ZNF487: variants seen among roughly 807,000 people sequenced by gnomAD.
ZNF487 encodes the protein zinc finger protein 487.
Under a neutral mutation model 3.0 loss-of-function variants are expected in ZNF487, and 4 were observed. The ratio of observed to expected loss-of-function variants is 1.35; its 90% CI spans 0.66 to 3.08. The LOEUF is 3.08. ZNF487 is among the 30% of genes most tolerant of loss of function. The probability of loss-of-function intolerance (pLI) is 0.01; values close to 1 mark genes in which losing one functional copy is unlikely to be tolerated. For synonymous variants in ZNF487, 55 were observed against 34.6 expected, an observed-to-expected ratio of 1.59 and a Z score of -2.06; for missense variants, 146 against 98.7, an observed-to-expected ratio of 1.48 and a Z score of -2.03.
intron 1 of ZNF487, among the ~76,000 whole-genome samples, chr10:43,466,514 T>C (rs1386444790): frequency 1.3e-5 from 2 of 151,418 alleles, no homozygotes; most frequent in African/African-American, 4.9e-5. Flanking sequence ...TTGATTCTCC[T>C]GCCTCAGCCT....
chr10:43,461,695 G>C (rs1352504748), intron 1 of ZNF487, among the ~76,000 whole-genome samples: 1 of 152,124 alleles, frequency 6.6e-6, no homozygotes, highest in Non-Finnish European at 1.5e-5. Context: ...CTCCATGAGT[G>C]CTTGTGTAAG....
At chr10:43,518,460 C>T in the ZNF487 span, among the ~76,000 whole-genome samples, 2 of 152,102 alleles carry the variant, frequency 1.3e-5, no homozygotes, top group African/African-American at 4.8e-5. Flanking sequence ...CTTCATTGGC[C>T]ATAAAGGGGG....
chr10:43,468,045 A>C (rs748097223), intron 1 of ZNF487, among the ~76,000 whole-genome samples: 7 of 152,188 alleles, frequency 4.6e-5, no homozygotes, highest in Non-Finnish European at 1.0e-4. Flanking sequence ...GAGGGGTTCA[A>C]GTCTTCAGTG....
chr10:43,503,220 T>G, the ZNF487 span, among the ~76,000 whole-genome samples: 1 of 152,084 alleles, frequency 6.6e-6, no homozygotes, highest in Admixed American at 6.6e-5. Context: ...TGTGTAGGCC[T>G]GGGCTAATGT....
At chr10:43,502,086 A>G in the ZNF487 span, among the ~76,000 whole-genome samples, 1 of 152,238 alleles carries the variant, frequency 6.6e-6, no homozygotes, top group Non-Finnish European at 1.5e-5. Context: ...ATGCACATGT[A>G]TGTTTATTGC....
chr10:43,468,508 C>T (rs1011576658), intron 1 of ZNF487, among the ~76,000 whole-genome samples: 6 of 151,228 alleles, frequency 4.0e-5, no homozygotes, highest in Admixed American at 1.3e-4. Flanking sequence ...GGAGAAACCC[C>T]GTCTCTACTA....
At chr10:43,504,846 A>G in the ZNF487 span, among the ~76,000 whole-genome samples, 4 of 151,490 alleles carry the variant, frequency 2.6e-5, no homozygotes, top group African/African-American at 9.7e-5. Context: ...AGCTGGGACT[A>G]CAGGCACCTG....
At chr10:43,450,016 T>A (rs979159308) in intron 1 of ZNF487, among the ~76,000 whole-genome samples, 1 of 152,038 alleles carries the variant, frequency 6.6e-6, no homozygotes, top group Non-Finnish European at 1.5e-5. Context: ...AGTTTTAATT[T>A]AAATACTGAT....
the ZNF487 span, among the ~76,000 whole-genome samples, chr10:43,490,636 A>C: frequency 9.1e-5 from 13 of 142,836 alleles, no homozygotes; most frequent in African/African-American, 3.1e-4. Flanking sequence ...CAGCCTCCCA[A>C]GTAGCTGGGA....
the ZNF487 span, among the ~76,000 whole-genome samples, chr10:43,503,172 G>A: frequency 1.3e-5 from 2 of 152,168 alleles, no homozygotes; most frequent in African/African-American, 4.8e-5. Flanking sequence ...GGAACAAGAT[G>A]TGGAGGTGGA....
chr10:43,442,797 G>C (rs947931975), intron 1 of ZNF487, among the ~76,000 whole-genome samples: 1 of 152,096 alleles, frequency 6.6e-6, no homozygotes, highest in Admixed American at 6.6e-5. Flanking sequence ...TGTGTTCAGC[G>C]TACAAGTCTG....
At chr10:43,490,385 AAAAC>A in the ZNF487 span, among the ~76,000 whole-genome samples, 5 of 152,008 alleles carry the variant, frequency 3.3e-5, no homozygotes, top group Admixed American at 6.6e-5. Context: ...GAAAATAAAT[AAAAC>A]AAACAAACAG....
intron 1 of ZNF487, among the ~76,000 whole-genome samples, chr10:43,448,103 C>A (rs1252844606): frequency 2.0e-5 from 3 of 149,586 alleles, no homozygotes; most frequent in African/African-American, 7.4e-5. Flanking sequence ...TATTCTCCTG[C>A]CTCAGCCTCC....
At chr10:43,473,394 A>C (rs1303946696) in intron 1 of ZNF487, among the ~76,000 whole-genome samples, 1 of 151,428 alleles carries the variant, frequency 6.6e-6, no homozygotes, top group African/African-American at 2.4e-5. Context: ...ACACTATTTA[A>C]CTCTGTTTTG....
chr10:43,437,824 G>T (rs1378133174), intron 1 of ZNF487, among the ~76,000 whole-genome samples: 1 of 151,784 alleles, frequency 6.6e-6, no homozygotes, highest in Non-Finnish European at 1.5e-5. Context: ...GCTTTACTAA[G>T]TTTGTATTCT....
intron 1 of ZNF487, among the ~76,000 whole-genome samples, chr10:43,447,431 G>A (rs573046250): frequency 6.6e-6 from 1 of 152,100 alleles, no homozygotes; most frequent in East Asian, 1.9e-4. Flanking sequence ...TAGTAAAGAC[G>A]GGGTTTCACT....
Position 43,481,571 on chromosome 10 carries a change from C to A in ZNF487, c.273C>A (p.Asn91Lys), listed in dbSNP as rs200333638. 7 of 704,030 alleles carry A rather than the reference C, an allele frequency of 9.9e-6. No homozygotes were observed. The highest frequency in any genetic ancestry group is 1.8e-5 in the Non-Finnish European group (7 of 380,970). 43.6% of individuals were successfully genotyped at this position (704,030 alleles called of 1,614,324 possible). Residue 91 changes from asparagine to lysine, a missense_variant, in exon 4 of 4, where the codon AAC becomes AAA. Physicochemically the swap from Asn to Lys is moderately conservative, Grantham distance 94. Transcript: ENST00000437590. ...VLGKTFSLDT[N>K]PILSRKIRGN... ...GAAAAACATTTTCTCTTGACACAAA[C>A]CCCATTCTATCAAGAAAAATACGTG...
the ZNF487 span, among the ~76,000 whole-genome samples, chr10:43,509,462 T>TATAC: frequency 1.7e-4 from 25 of 146,990 alleles, no homozygotes; most frequent in East Asian, 5.0e-3. Flanking sequence ...ATGGAACATA[T>TATAC]ATATATATAT....
chr10:43,464,753 T>C (rs569819058), intron 1 of ZNF487, among the ~76,000 whole-genome samples: 22 of 152,318 alleles, frequency 1.4e-4, no homozygotes, highest in South Asian at 1.2e-3. Context: ...AAATGAAAAG[T>C]CTGCCATGTC....
Sources: gnomAD v4.1 joint callset for allele counts (sites outside exome capture counted in the v4.1 genomes callset) on GRCh38, gnomAD v4.1.1 for gene constraint, MANE v1.5 for transcripts, NCBI Gene and HGNC (gene_info 2026-07-23, HGNC 2026-07-21) for gene names.